Variants in ADRA1A observed in about 807,000 individuals in gnomAD.
The protein encoded by ADRA1A is alpha-1A adrenergic receptor.
In ADRA1A, 31 loss-of-function variants were observed where a neutral mutation model predicts 29.6. The observed-to-expected ratio is 1.05, with a 90% CI of 0.79 to 1.41. The LOEUF is 1.41. Ranked by LOEUF, ADRA1A falls within the 40% of genes most tolerant of loss-of-function variation. ADRA1A has a pLI of 0.00. For missense variants in ADRA1A, 619 were observed against 601.1 expected (o/e 1.03, Z -0.31); for synonymous variants, 311 against 254.3 (o/e 1.22, Z -2.12).
intron 2 of ADRA1A, among the ~76,000 whole-genome samples, chr8:26,750,348 T>A (rs1221506941): frequency 1.3e-5 from 2 of 152,110 alleles, no homozygotes; most frequent in East Asian, 3.9e-4. Flanking sequence ...ACTACAGACA[T>A]GTGCCACCAT....
At chr8:26,765,616 C>T (rs1173685493), downstream of ADRA1A, among the ~76,000 whole-genome samples, 1 of 152,252 alleles carries the variant, frequency 6.6e-6, no homozygotes, top group Non-Finnish European at 1.5e-5. Flanking sequence ...AACTGGTAGG[C>T]ATACCTCTGA....
At chr8:26,789,673 A>G (rs911021471) in intron 2 of ADRA1A, among the ~76,000 whole-genome samples, 1 of 152,204 alleles carries the variant, frequency 6.6e-6, no homozygotes, top group Non-Finnish European at 1.5e-5. Context: ...GGATTATATC[A>G]AACTAAAAAC....
intron 2 of ADRA1A, among the ~76,000 whole-genome samples, chr8:26,839,524 A>T (rs1008122621): frequency 2.0e-5 from 3 of 152,156 alleles, no homozygotes; most frequent in Non-Finnish European, 4.4e-5. Context: ...GTACCTGTAC[A>T]ATGATTTTGG....
Position 26,770,359 on chromosome 8 carries a change from C to A in ADRA1A, c.1191G>T (p.Trp397Cys). 1 of 1,614,198 alleles carries A rather than the reference C, an allele frequency of 6.2e-7. No individual in the cohort carries two copies. Among genetic ancestry groups the A allele is most frequent in the Non-Finnish European group, 8.5e-7 (1 of 1,180,024 alleles). The part of the protein sequence containing the change: ...RISKTDGVCE[W>C]KFFSSMPRGS... ...CACGGGGCATGGAAGAGAAAAATTT[C>A]CATTCACAAACGCCATCCGTCTTGG... The change falls in exon 3 of 3, where the codon TGG becomes TGT. Residue 397 changes from tryptophan to cysteine, a missense_variant. Coordinates refer to ENST00000380573, the MANE Select transcript of ADRA1A (RefSeq NM_000680.4).
chr8:26,809,400 C>G (rs578177265), intron 2 of ADRA1A, among the ~76,000 whole-genome samples: 4 of 152,184 alleles, frequency 2.6e-5, no homozygotes, highest in Non-Finnish European at 5.9e-5. Flanking sequence ...AAGCAACTTC[C>G]TCAGTAGAGG....
At chr8:26,751,669 A>G (rs1804930979), downstream of ADRA1A, among the ~76,000 whole-genome samples, 2 of 152,338 alleles carry the variant, frequency 1.3e-5, no homozygotes, top group South Asian at 2.1e-4. Context: ...GTGGATGGAC[A>G]CTTTTGCTGT....
rs950374303 is a variant in ADRA1A, at chr8:26,860,056, C to T, written c.883+4031G>A. Among the ~76,000 whole-genome samples the T allele has an allele frequency of 2.6e-5, 4 of 152,092 alleles. No individual in the cohort carries two copies. Among genetic ancestry groups the T allele is most frequent in the East Asian group, 1.9e-4 (1 of 5,184 alleles). On this transcript the variant is annotated intron_variant, in intron 2 of 2. Transcript: ENST00000380573. The surrounding 1 kb of genome is among the most constrained non-coding windows in gnomAD (Gnocchi z 4.7). ...TGCTGGGATTAGAGGCATGAGCCAC[C>T]GCGCCTGGCACCTCACTAGGATTTA...
rs772748755 is a variant in ADRA1A, at chr8:26,864,890, A to G, written c.80T>C (p.Ile27Thr). ...GCCCCCCAAGATCACCCCGAGCAGA[A>G]TGGCCTTGGAAATGTTCACCGGTGC... ...PPAPVNISKA[I>T]LLGVILGGLI... Residue 27 changes from isoleucine to threonine, a missense_variant, in exon 2 of 3, where the codon ATT (isoleucine) becomes ACT (threonine). Ile to Thr is a moderately conservative substitution (Grantham distance 89, BLOSUM62 -1). Transcript: ENST00000380573. This position sits in a 1 kb window ranked among gnomAD's most constrained non-coding sequence, Gnocchi z 8.1. 6.2e-7 allele frequency: 1 copy of G among 1,613,980 alleles called. No individual in the cohort carries two copies. The highest frequency in any genetic ancestry group is 8.5e-7 in the Non-Finnish European group (1 of 1,180,002).
chr8:26,843,471 G>T (rs190893321), intron 2 of ADRA1A, among the ~76,000 whole-genome samples: 2 of 152,296 alleles, frequency 1.3e-5, no homozygotes, highest in Admixed American at 1.3e-4. Flanking sequence ...GGCTGATCAG[G>T]GTTGGAGTAG....
downstream of ADRA1A, among the ~76,000 whole-genome samples, chr8:26,762,951 G>A (rs535316194): frequency 6.8e-4 from 104 of 152,256 alleles, 2 homozygotes; most frequent in South Asian, 0.021. This position sits in a 1 kb window ranked among gnomAD's most constrained non-coding sequence, Gnocchi z 4.0. Context: ...TCAGCTCAGG[G>A]AAACATGAAT....
intron 2 of ADRA1A, among the ~76,000 whole-genome samples, chr8:26,800,077 T>C (rs569269722): frequency 9.9e-5 from 15 of 152,074 alleles, no homozygotes; most frequent in Non-Finnish European, 1.3e-4. Context: ...TGATCATCAT[T>C]GTGAAACCCT....
intron 2 of ADRA1A, among the ~76,000 whole-genome samples, chr8:26,760,034 T>C (rs148290905): frequency 5.9e-5 from 9 of 152,206 alleles, no homozygotes; most frequent in Admixed American, 1.3e-4. Context: ...AGGAGGTGGA[T>C]AGGAGGCCAC....
intron 2 of ADRA1A, among the ~76,000 whole-genome samples, chr8:26,773,032 T>C (rs781036619): frequency 9.9e-5 from 15 of 152,238 alleles, no homozygotes; most frequent in South Asian, 2.1e-4. Context: ...ACACTTTCCA[T>C]ATGATTTAAT....
intron 2 of ADRA1A, among the ~76,000 whole-genome samples, chr8:26,811,826 G>A (rs940646705): frequency 1.3e-5 from 2 of 152,150 alleles, no homozygotes; most frequent in African/African-American, 4.8e-5. Flanking sequence ...ATGTCGTCAC[G>A]TGGAACGTAC....
chr8:26,752,627 C>T (rs1447134385), downstream of ADRA1A, among the ~76,000 whole-genome samples: 1 of 152,168 alleles, frequency 6.6e-6, no homozygotes, highest in Non-Finnish European at 1.5e-5. Context: ...CCACTGAGAG[C>T]TCTTTTGCCC....
chr8:26,814,644 A>G (rs1809640997), intron 2 of ADRA1A, among the ~76,000 whole-genome samples: 1 of 152,206 alleles, frequency 6.6e-6, no homozygotes, highest in Non-Finnish European at 1.5e-5. Flanking sequence ...AGAAATATAT[A>G]TCATCTGTTT....
chr8:26,851,291 A>G (rs1401365654), intron 2 of ADRA1A, among the ~76,000 whole-genome samples: 2 of 152,232 alleles, frequency 1.3e-5, no homozygotes. Context: ...AGGTTTAAAC[A>G]TGCTTTTGAA....
rs920182644 is a variant in ADRA1A, at chr8:26,865,919, A to C, written c.-686-264T>G. Among the ~76,000 whole-genome samples the C allele has an allele frequency of 6.6e-6, 1 of 151,964 alleles. No homozygotes were observed. The highest frequency in any genetic ancestry group is 1.5e-5 in the Non-Finnish European group (1 of 67,968). Reference sequence around the variant, plus strand: ...AAAACAAACAAAAAAACAAATCCCCAAAACCCCAGGCTCCAGCGCTCGAAG... The same window carrying C: ...AAAACAAACAAAAAAACAAATCCCCCAAACCCCAGGCTCCAGCGCTCGAAG... On this transcript the variant is annotated intron_variant, in intron 1 of 2. Transcript: ENST00000380573. This position sits in a 1 kb window ranked among gnomAD's most constrained non-coding sequence, Gnocchi z 7.6.
Position 26,813,283 on chromosome 8 carries a change from T to C in ADRA1A, c.884-42617A>G, listed in dbSNP as rs1585744269. ...ACCAAAGGAGCAGTTAAAATCATTT[T>C]CAGTGACATCGTGGGGCTAGGCTTT... On this transcript the variant is annotated intron_variant, in intron 2 of 2. Transcript: ENST00000380573. 2.0e-5 allele frequency among the ~76,000 whole-genome samples: 3 copies of C among 152,308 alleles called. 1 individual carries two copies. In the Middle Eastern group the frequency reaches 0.01, roughly 518 times the overall value.
Sources: allele counts gnomAD v4.1 joint callset (sites outside exome capture counted in the v4.1 genomes callset), GRCh38; gene constraint gnomAD v4.1.1; non-coding constraint Gnocchi (gnomAD v3.1); transcripts MANE v1.5; gene names NCBI Gene and HGNC (gene_info 2026-07-23, HGNC 2026-07-21).